Variants in ATP10B observed in about 807,000 individuals in gnomAD.
ATP10B encodes phospholipid-transporting ATPase VB.
Under a neutral mutation model 141.2 loss-of-function variants are expected in ATP10B, and 122 were observed. That is an observed-to-expected ratio of 0.86 (90% CI 0.75 to 1.00). ATP10B has a LOEUF of 1.00. Ranked by LOEUF, ATP10B falls within the 50% of genes least tolerant of loss-of-function variation. The pLI is 0.00. For synonymous variants in ATP10B, 685 were observed against 692.0 expected (o/e 0.99, Z 0.16); for missense variants, 1,876 against 1,825.3 (o/e 1.03, Z -0.51).
chr5:160,735,488 A>C (rs539440126), intron 2 of ATP10B, among the ~76,000 whole-genome samples: 9 of 152,160 alleles, frequency 5.9e-5, no homozygotes, highest in Non-Finnish European at 1.0e-4. Flanking sequence ...GAGCACACAG[A>C]TATATAAAGA....
Position 160,620,651 on chromosome 5 carries a change from C to A in ATP10B, c.2112G>T (p.Glu704Asp). 6.2e-7 allele frequency: 1 copy of A among 1,613,440 alleles called. No individual in the cohort carries two copies. Among genetic ancestry groups the A allele is most frequent in the Non-Finnish European group, 8.5e-7 (1 of 1,179,444 alleles). Residue 704 changes from glutamate (E) to aspartate (D), a missense_variant, in exon 15 of 26, where the codon GAG (glutamate) becomes GAT (aspartate). Physicochemically the swap from Glu to Asp is conservative, Grantham distance 45 (BLOSUM62 2). Transcript: ENST00000327245. ...GCCTGGCCAGGTCTGTGGCTGGGGC[C>A]TCCAATGCCTCCTCCAAGGAAGTGC... Reference protein sequence around the residue: ...GSGTSLEEALEAPATDLARPE... With the variant: ...GSGTSLEEALDAPATDLARPE...
At chr5:160,839,866 A>G (rs1775705563) in intron 1 of ATP10B, among the ~76,000 whole-genome samples, 1 of 152,128 alleles carries the variant, frequency 6.6e-6, no homozygotes, top group Non-Finnish European at 1.5e-5. Context: ...AGTAGAAAAC[A>G]GCATAACAGG....
At chr5:160,864,006 T>C in the ATP10B span, among the ~76,000 whole-genome samples, 1 of 152,040 alleles carries the variant, frequency 6.6e-6, no homozygotes, top group Non-Finnish European at 1.5e-5. Flanking sequence ...AGCTGAATTA[T>C]ATCAGGCATT....
chr5:160,716,479 T>C (rs374167043), intron 3 of ATP10B, among the ~76,000 whole-genome samples: 22 of 152,200 alleles, frequency 1.4e-4, no homozygotes, highest in African/African-American at 5.3e-4. Context: ...AGTTGGGCTG[T>C]GAACCAGCCC....
intron 7 of ATP10B, 38 bp from the exon 8 acceptor site, chr5:160,649,294 A>G: frequency 6.8e-7 from 1 of 1,474,820 alleles, no homozygotes. Flanking sequence ...ATTAATTCAG[A>G]GGGATCTAGT....
intron 1 of ATP10B, among the ~76,000 whole-genome samples, chr5:160,824,387 C>T (rs1366551157): frequency 6.6e-6 from 1 of 152,154 alleles, no homozygotes; most frequent in African/African-American, 2.4e-5. Context: ...TTCATCCCAA[C>T]CTAAGAAGCT....
At chr5:160,860,546 A>C in the ATP10B span, among the ~76,000 whole-genome samples, 1 of 151,962 alleles carries the variant, frequency 6.6e-6, no homozygotes. Context: ...GAATTTTAGA[A>C]GGTAAAGATG....
chr5:160,786,419 TTC>T (rs1491298885), intron 1 of ATP10B, among the ~76,000 whole-genome samples: 6 of 152,164 alleles, frequency 3.9e-5, no homozygotes, highest in South Asian at 2.1e-4. Context: ...CCATTGGGTT[TTC>T]TGTTTTTCTT....
At chr5:160,605,723 T>C (rs949498624) in intron 19 of ATP10B, among the ~76,000 whole-genome samples, 2 of 152,200 alleles carry the variant, frequency 1.3e-5, no homozygotes, top group Non-Finnish European at 2.9e-5. Flanking sequence ...ATCCCATGCC[T>C]GTGTAGGAGG....
At chr5:160,892,390 C>T in the ATP10B span, among the ~76,000 whole-genome samples, 54 of 152,334 alleles carry the variant, frequency 3.5e-4, no homozygotes, top group African/African-American at 1.3e-3. Context: ...CCAAACGTCC[C>T]CAGGCTTCTG....
rs868193677 is a variant in ATP10B, at chr5:160,653,814, T to A, written c.676-4558A>T. On this transcript the variant is annotated intron_variant, in intron 7 of 25. Coordinates refer to ENST00000327245, the MANE Select transcript of ATP10B (RefSeq NM_025153.3). The stretch of plus-strand genomic sequence containing the variant: ...TTATATAGACGTATATACATATATA[T>A]TATATAGACGTATATACATATATAT... Among the ~76,000 whole-genome samples the A allele has an allele frequency of 2.6e-3, 319 of 124,060 alleles. 14 individuals are homozygous for A. The highest frequency in any genetic ancestry group is 9.8e-3 in the African/African-American group (300 of 30,550). 81.4% of individuals were successfully genotyped at this position (124,060 alleles called of 152,430 possible).
chr5:160,790,028 G>A (rs748903237), intron 1 of ATP10B, among the ~76,000 whole-genome samples: 2 of 152,048 alleles, frequency 1.3e-5, no homozygotes, highest in African/African-American at 2.4e-5. Flanking sequence ...ACACTGAAGC[G>A]CTTCCCTCCT....
At chr5:160,907,725 CTG>C in the ATP10B span, among the ~76,000 whole-genome samples, 2 of 152,180 alleles carry the variant, frequency 1.3e-5, no homozygotes, top group Admixed American at 1.3e-4. Flanking sequence ...GTTGAGGAAA[CTG>C]AGACTTAAAG....
intron 1 of ATP10B, among the ~76,000 whole-genome samples, chr5:160,809,488 T>A (rs62392589): frequency 0.016 from 2,509 of 152,316 alleles, 27 homozygotes; most frequent in Non-Finnish European, 0.028. Context: ...GGTGATGAGA[T>A]CAGGGTAATC....
In ATP10B at chr5:160,838,215, A is replaced by G. The variant is rs548808249; in HGVS notation, c.-576+13726T>C. 9.9e-4 allele frequency among the ~76,000 whole-genome samples: 151 copies of G among 152,302 alleles called. 1 individual carries two copies. The highest frequency in any genetic ancestry group is 6.8e-3 in the Middle Eastern group (2 of 294). ...TTCCATTCTGTAGGTTCCTCACATC[A>G]TACACATTTTACTCATGGGTTCAGA... On this transcript the variant is annotated intron_variant, in intron 1 of 25. Coordinates refer to ENST00000327245, the MANE Select transcript of ATP10B (RefSeq NM_025153.3).
At chr5:160,920,207 C>T in the ATP10B span, among the ~76,000 whole-genome samples, 9 of 152,148 alleles carry the variant, frequency 5.9e-5, no homozygotes, top group Admixed American at 2.6e-4. Context: ...GACAGCCCTA[C>T]GGGGTATGTA....
At chr5:160,777,183 T>A (rs1164677511) in intron 2 of ATP10B, among the ~76,000 whole-genome samples, 1 of 152,226 alleles carries the variant, frequency 6.6e-6, no homozygotes, top group Non-Finnish European at 1.5e-5. Context: ...GGGTCTCTGA[T>A]GAAGGGTCTG....
At chr5:160,666,038 C>G (rs1762297909) in intron 7 of ATP10B, among the ~76,000 whole-genome samples, 2 of 152,064 alleles carry the variant, frequency 1.3e-5, no homozygotes, top group South Asian at 2.1e-4. Context: ...GATAGTAATG[C>G]CCACCTCCCA....
chr5:160,902,058 A>T, the ATP10B span, among the ~76,000 whole-genome samples: 1 of 152,214 alleles, frequency 6.6e-6, no homozygotes, highest in Non-Finnish European at 1.5e-5. Flanking sequence ...ACTTCTACTA[A>T]TTCCTGATGG....
Sources: allele counts gnomAD v4.1 joint callset (sites outside exome capture counted in the v4.1 genomes callset), GRCh38; gene constraint gnomAD v4.1.1; transcripts MANE v1.5; gene names NCBI Gene and HGNC (gene_info 2026-07-23, HGNC 2026-07-21).